Variants in UNC5C observed in about 807,000 individuals in gnomAD.
The protein encoded by UNC5C is netrin receptor UNC5C.
UNC5C carries 47 observed loss-of-function variants against 99.8 expected under a neutral mutation model. The observed-to-expected ratio is 0.47, with a 90% CI of 0.37 to 0.60. The LOEUF (loss-of-function observed/expected upper bound fraction) is 0.60. Ranked by LOEUF, UNC5C falls within the 20% of genes least tolerant of loss-of-function variation. UNC5C has a pLI of 0.00. For synonymous variants in UNC5C, 487 were observed against 452.2 expected (o/e 1.08, Z -0.98); for missense variants, 1,062 against 1,165.9 (o/e 0.91, Z 1.30).
intron 1 of UNC5C, among the ~76,000 whole-genome samples, chr4:95,415,147 G>A (rs1437362112): frequency 2.6e-5 from 4 of 152,128 alleles, no homozygotes; most frequent in Admixed American, 2.0e-4. Flanking sequence ...CCAGAAGCAT[G>A]CATGTAAAAG....
At chr4:95,424,489 A>G (rs191133078) in intron 1 of UNC5C, among the ~76,000 whole-genome samples, 1 of 126,364 alleles carries the variant, frequency 7.9e-6, no homozygotes, top group African/African-American at 2.9e-5. Flanking sequence ...TTTCTATGTA[A>G]CAGGGCTTCA....
At chr4:95,542,432 A>G (rs1722942645) in intron 1 of UNC5C, among the ~76,000 whole-genome samples, 1 of 152,304 alleles carries the variant, frequency 6.6e-6, no homozygotes, top group Admixed American at 6.5e-5. Flanking sequence ...AAATATCTGC[A>G]TATTTGGCAC....
intron 1 of UNC5C, among the ~76,000 whole-genome samples, chr4:95,405,165 C>T (rs995349279): frequency 4.6e-5 from 7 of 152,278 alleles, no homozygotes; most frequent in Non-Finnish European, 7.3e-5. Flanking sequence ...CCATTGAGCC[C>T]GTTAACATTC....
chr4:95,215,709 G>A (rs375345118), intron 10 of UNC5C, among the ~76,000 whole-genome samples: 9 of 152,146 alleles, frequency 5.9e-5, no homozygotes, highest in African/African-American at 2.2e-4. Context: ...AGGCTGAGTG[G>A]GAGCGGTAGG....
At chr4:95,521,804 A>AT (rs1478926180) in intron 1 of UNC5C, among the ~76,000 whole-genome samples, 1 of 152,218 alleles carries the variant, frequency 6.6e-6, no homozygotes, top group Non-Finnish European at 1.5e-5. Context: ...GTTCCTATCC[A>AT]TTTTTATATA....
intron 14 of UNC5C, among the ~76,000 whole-genome samples, chr4:95,176,240 G>T (rs1736337228): frequency 6.6e-6 from 1 of 152,196 alleles, no homozygotes; most frequent in South Asian, 2.1e-4. Context: ...TCCTCTCTCA[G>T]CTCGTCAAGG....
chr4:95,220,315 AT>A (rs764079111), intron 7 of UNC5C, 139 bp from the exon 8 acceptor site: 18 of 882,642 alleles, frequency 2.0e-5, no homozygotes, highest in Non-Finnish European at 3.0e-5. Context: ...GCTATATAAA[AT>A]GGCTGTGGCC....
At chr4:95,529,684 A>G (rs1398860056) in intron 1 of UNC5C, among the ~76,000 whole-genome samples, 2 of 152,126 alleles carry the variant, frequency 1.3e-5, no homozygotes, top group Admixed American at 1.3e-4. Context: ...CTGTGACCGC[A>G]CCACTGCATT....
chr4:95,449,665 G>C (rs1410516879), intron 1 of UNC5C, among the ~76,000 whole-genome samples: 1 of 152,192 alleles, frequency 6.6e-6, no homozygotes, highest in Non-Finnish European at 1.5e-5. Context: ...AGAGTGGAAT[G>C]TGAAATTCTG....
chr4:95,170,042 T>C (rs867660839), intron 15 of UNC5C, 112 bp downstream of exon 15: 5 of 1,398,544 alleles, frequency 3.6e-6, no homozygotes, highest in Non-Finnish European at 3.9e-6. Flanking sequence ...AATGAAAAAT[T>C]AAATAGATGT....
At chr4:95,243,414 AT>A (rs1333369602) in intron 6 of UNC5C, among the ~76,000 whole-genome samples, 1 of 152,172 alleles carries the variant, frequency 6.6e-6, no homozygotes, top group Non-Finnish European at 1.5e-5. Context: ...GATATAGTAA[AT>A]TTCAATCACA....
At chr4:95,447,892 C>T (rs1461048528) in intron 1 of UNC5C, among the ~76,000 whole-genome samples, 2 of 152,058 alleles carry the variant, frequency 1.3e-5, no homozygotes, top group African/African-American at 4.8e-5. Flanking sequence ...CAGAGGAAAC[C>T]TGTAGGAAAG....
chr4:95,469,567 A>G (rs891384952), intron 1 of UNC5C, among the ~76,000 whole-genome samples: 1 of 119,530 alleles, frequency 8.4e-6, no homozygotes, highest in South Asian at 2.6e-4. Context: ...ACGGTTTCAC[A>G]TATTTCCTTT....
chr4:95,545,770 G>GCACACACACA (rs1222846222), intron 1 of UNC5C, among the ~76,000 whole-genome samples: 86 of 130,594 alleles, frequency 6.6e-4, no homozygotes, highest in African/African-American at 2.7e-3. Flanking sequence ...ACGCGCGCGC[G>GCACACACACA]CGCACACACA....
intron 1 of UNC5C, among the ~76,000 whole-genome samples, chr4:95,415,632 C>A (rs1746140271): frequency 6.6e-6 from 1 of 152,118 alleles, no homozygotes; most frequent in African/African-American, 2.4e-5. Flanking sequence ...AGTTTGATGA[C>A]TCATTTTTGT....
chr4:95,471,413 G>A (rs1747964761), intron 1 of UNC5C, among the ~76,000 whole-genome samples: 1 of 152,064 alleles, frequency 6.6e-6, no homozygotes, highest in Admixed American at 6.6e-5. Context: ...TTTAAATAAA[G>A]GGATTTCCTG....
intron 3 of UNC5C, among the ~76,000 whole-genome samples, chr4:95,292,198 CATATATATACATATATAT>C (rs983105858): frequency 8.3e-6 from 1 of 120,818 alleles, no homozygotes; most frequent in Non-Finnish European, 1.8e-5. Flanking sequence ...TATATATACA[CATATATATACATATATAT>C]ACACACACAC....
At chr4:95,278,057 G>C (rs1176256562) in intron 4 of UNC5C, among the ~76,000 whole-genome samples, 1 of 152,206 alleles carries the variant, frequency 6.6e-6, no homozygotes, top group Non-Finnish European at 1.5e-5. Context: ...CTGTGGCTTT[G>C]TCCAATGGGG....
chr4:95,325,859 A>G (rs1285282940), intron 2 of UNC5C, among the ~76,000 whole-genome samples: 1 of 152,150 alleles, frequency 6.6e-6, no homozygotes, highest in Non-Finnish European at 1.5e-5. Context: ...TAAAACATGA[A>G]AAATGCACAT....
Sources: gnomAD v4.1 joint callset for allele counts (sites outside exome capture counted in the v4.1 genomes callset) on GRCh38, gnomAD v4.1.1 for gene constraint, MANE v1.5 for transcripts, NCBI Gene and HGNC (gene_info 2026-07-23, HGNC 2026-07-21) for gene names.